BMS1: variants seen among roughly 807,000 people sequenced by gnomAD.
The protein encoded by BMS1 is BMS1 ribosome biogenesis factor.
A neutral mutation model predicts 138.7 loss-of-function variants in BMS1; 53 were observed. The observed-to-expected ratio is 0.38, with a 90% CI of 0.31 to 0.48. The LOEUF is 0.48. Ranked by LOEUF, BMS1 falls within the 20% of genes least tolerant of loss-of-function variation. BMS1 has a pLI of 0.97. For synonymous variants in BMS1, 504 were observed against 539.9 expected (o/e 0.93, Z 0.92); for missense variants, 1,360 against 1,565.5 (o/e 0.87, Z 2.22).
chr10:42,821,775 A>G (rs1842510187), intron 18 of BMS1, among the ~76,000 whole-genome samples: 1 of 151,802 alleles, frequency 6.6e-6, no homozygotes, highest in African/African-American at 2.4e-5. Context: ...CTGGTCTTGA[A>G]CTTCTGACCT....
chr10:42,817,665 G>A (rs1842388239), intron 15 of BMS1, among the ~76,000 whole-genome samples, 171 bp downstream of exon 15: 1 of 152,142 alleles, frequency 6.6e-6, no homozygotes, highest in South Asian at 2.1e-4. Context: ...TTCATGCAGT[G>A]AGCTCATTGT....
rs377143978 is a variant in BMS1, at chr10:42,793,139, T to C, written c.1084T>C (p.Phe362Leu). 10 of 1,605,798 alleles carry C rather than the reference T, an allele frequency of 6.2e-6. No individual in the cohort carries two copies. In the African/African-American group the frequency reaches 1.3e-4, roughly 22 times the overall value. The change falls in exon 8 of 23, where the codon TTT becomes CTT. Residue 362 changes from phenylalanine to leucine, a missense_variant. This residue lies in a region of BMS1 where 697 missense variants were observed against 686.2 expected (regional missense o/e 1.02). Coordinates refer to ENST00000374518, the MANE Select transcript of BMS1 (RefSeq NM_014753.4). ...TGTTGACCTTGGTGGCAGCCACGTTTTTCAGGTATCGGTGAGACGGGAGTC... is the reference window on the plus strand; with the variant it reads ...TGTTGACCTTGGTGGCAGCCACGTTCTTCAGGTATCGGTGAGACGGGAGTC... Reference protein sequence around the residue: ...VYVDLGGSHVFQDEVGPTHEL... With the variant: ...VYVDLGGSHVLQDEVGPTHEL...
At chr10:42,821,848 C>T (rs948764511) in intron 18 of BMS1, among the ~76,000 whole-genome samples, 6 of 152,140 alleles carry the variant, frequency 3.9e-5, no homozygotes, top group South Asian at 4.1e-4. Flanking sequence ...CCACTGTGCT[C>T]GGCCTCAAGT....
At chr10:42,810,107 C>G (rs1457586221) in intron 13 of BMS1, among the ~76,000 whole-genome samples, 1 of 152,092 alleles carries the variant, frequency 6.6e-6, no homozygotes, top group Non-Finnish European at 1.5e-5. Context: ...TGGCCTGATT[C>G]ATTTTTTGAA....
Position 42,798,461 on chromosome 10 carries a change from T to G in BMS1, c.2090-7T>G, listed in dbSNP as rs1233908820. The G allele has an allele frequency of 6.2e-7, 1 of 1,614,194 alleles. No homozygotes were observed. Reference sequence around the variant, plus strand: ...TTCTCACTTTTCTGCCATGGTGTGCTCTTTAGTGACAGAAGATAATGAAGA... The same window carrying G: ...TTCTCACTTTTCTGCCATGGTGTGCGCTTTAGTGACAGAAGATAATGAAGA... On this transcript the variant is annotated splice_polypyrimidine_tract_variant and splice_region_variant and intron_variant, in intron 11 of 22. Transcript: ENST00000374518.
At chr10:42,803,866 C>T (rs949666124) in intron 13 of BMS1, among the ~76,000 whole-genome samples, 2 of 152,138 alleles carry the variant, frequency 1.3e-5, no homozygotes, top group African/African-American at 2.4e-5. Flanking sequence ...TTTGTCACCC[C>T]CACAGTTTTC....
At position 42,816,192 on chromosome 10, in the gene BMS1, G is replaced by A. The variant is rs551009838; in HGVS notation, c.2330-407G>A. Among the ~76,000 whole-genome samples the A allele has an allele frequency of 6.6e-4, 101 of 152,178 alleles. No homozygotes were observed. In the Middle Eastern group the frequency reaches 0.027, roughly 41 times the overall value. ...CGGGTGCCTATAATCCCAGCTACTC[G>A]GGAGACTGAGGCAGTAGAATTGCTT... On this transcript the variant is annotated intron_variant, in intron 13 of 22. Transcript: ENST00000374518.
intron 21 of BMS1, among the ~76,000 whole-genome samples, chr10:42,825,495 T>G (rs1210391047): frequency 6.6e-6 from 1 of 151,278 alleles, no homozygotes; most frequent in African/African-American, 2.4e-5. Context: ...GGTTTTCAAG[T>G]GTACACATCT....
In BMS1 at chr10:42,784,436, T is replaced by C. The variant is rs757073528; in HGVS notation, c.42T>C (p.Ser14=). The C allele has an allele frequency of 8.7e-6, 14 of 1,612,658 alleles. No homozygotes were observed. The highest frequency in any genetic ancestry group is 1.7e-5 in the Admixed American group (1 of 59,930). ...KDQKKHRKKN[S]GPKAAKKKKR... is the part of the protein sequence containing the mutation. The stretch of plus-strand genomic sequence containing the variant: ...AGAAGAAACACAGAAAGAAAAACAG[T>C]GGACCCAAAGCTGCAAAGAAAAAGA... The change falls in exon 2 of 23, where the codon AGT becomes AGC. Residue 14 remains serine, a synonymous_variant. Coordinates refer to ENST00000374518, the MANE Select transcript of BMS1 (RefSeq NM_014753.4).
intron 14 of BMS1, 116 bp downstream of exon 14, chr10:42,816,788 C>G: frequency 2.6e-6 from 2 of 782,538 alleles, no homozygotes; most frequent in Non-Finnish European, 3.8e-6. Flanking sequence ...TAGATAGATT[C>G]CTTCCTAAAG....
rs1782404498 is a variant in BMS1 at position 42,830,288 on chromosome 10, A to T, written c.3484A>T (p.Asn1162Tyr). Residue 1162 changes from asparagine to tyrosine, a missense_variant, in exon 22 of 23, where the codon AAT (asparagine) becomes TAT (tyrosine). Asn to Tyr is a moderately radical substitution (Grantham distance 143). This residue lies in a region of BMS1 where 425 missense variants were observed against 568.3 expected (regional missense o/e 0.75). Coordinates refer to ENST00000374518, the MANE Select transcript of BMS1 (RefSeq NM_014753.4). Reference protein sequence around the residue: ...KPILRQKKHFNSLHIPKALQK... With the variant: ...KPILRQKKHFYSLHIPKALQK... The stretch of plus-strand genomic sequence containing the variant: ...AATCCTGAGGCAAAAGAAACATTTT[A>T]ATTCACTGCACATTCCAAAAGCCTT... The T allele has an allele frequency of 1.2e-6, 2 of 1,613,004 alleles. No individual in the cohort carries two copies. Among genetic ancestry groups the T allele is most frequent in the African/African-American group, 2.7e-5 (2 of 74,848 alleles).
chr10:42,788,795 G>A (rs1405386008), intron 4 of BMS1, among the ~76,000 whole-genome samples: 2 of 152,104 alleles, frequency 1.3e-5, no homozygotes, highest in Non-Finnish European at 2.9e-5. Flanking sequence ...TAGTATAACC[G>A]CTGGTCTCTC....
At chr10:42,806,049 G>C (rs1251648242) in intron 13 of BMS1, among the ~76,000 whole-genome samples, 1 of 152,114 alleles carries the variant, frequency 6.6e-6, no homozygotes, top group Non-Finnish European at 1.5e-5. Flanking sequence ...TGTGTTTGGA[G>C]GGGAGGGGTA....
chr10:42,809,928 A>G (rs1471684171), intron 13 of BMS1, among the ~76,000 whole-genome samples: 1 of 149,948 alleles, frequency 6.7e-6, no homozygotes, highest in East Asian at 2.0e-4. Flanking sequence ...TGGGACTACA[A>G]GTGTGTGCTA....
At chr10:42,822,627 G>A (rs1329169121) in intron 19 of BMS1, among the ~76,000 whole-genome samples, 2 of 152,230 alleles carry the variant, frequency 1.3e-5, no homozygotes, top group Non-Finnish European at 2.9e-5. Flanking sequence ...ATTTGGGGAG[G>A]TTGGTTTGAG....
chr10:42,792,462 A>T, intron 6 of BMS1, 31 bp from the exon 7 acceptor site: 1 of 1,606,610 alleles, frequency 6.2e-7, no homozygotes, highest in Admixed American at 1.7e-5. Flanking sequence ...TTTGGCATTC[A>T]TTTCTGCTGT....
intron 9 of BMS1, among the ~76,000 whole-genome samples, chr10:42,795,533 C>T (rs1167648823): frequency 6.6e-6 from 1 of 150,968 alleles, no homozygotes; most frequent in Admixed American, 6.6e-5. Flanking sequence ...GTTGCCCAGG[C>T]TGGTCTCAAA....
intron 20 of BMS1, 102 bp from the exon 21 acceptor site, chr10:42,823,507 C>G: frequency 8.1e-7 from 1 of 1,231,362 alleles, no homozygotes; most frequent in South Asian, 1.8e-5. Context: ...ACTTTGCAGC[C>G]AGGTAGAGAA....
At chr10:42,817,035 T>G (rs1409860927) in intron 14 of BMS1, among the ~76,000 whole-genome samples, 1 of 152,176 alleles carries the variant, frequency 6.6e-6, no homozygotes, top group Non-Finnish European at 1.5e-5. Flanking sequence ...TAGAACAGGG[T>G]CTGGGAGCAT....
Sources: gnomAD v4.1 joint callset for allele counts (sites outside exome capture counted in the v4.1 genomes callset) on GRCh38, gnomAD v4.1.1 for gene constraint, gnomAD v4.1.1 regional missense constraint, MANE v1.5 for transcripts, NCBI Gene and HGNC (gene_info 2026-07-23, HGNC 2026-07-21) for gene names.